The following HLA-DRB5 variants were observed in gnomAD, a reference collection of about 807,000 sequenced individuals.
The protein encoded by HLA-DRB5 is major histocompatibility complex, class II, DR beta 5, also known as DR beta-5.
In HLA-DRB5, 11 loss-of-function variants were observed where a neutral mutation model predicts 22.4. That is an observed-to-expected ratio of 0.49 (90% CI 0.31 to 0.81). The LOEUF is 0.81. Ranked by LOEUF, HLA-DRB5 falls within the 40% of genes least tolerant of loss-of-function variation. The probability of loss-of-function intolerance (pLI) is 0.05; values close to 1 mark genes in which losing one functional copy is unlikely to be tolerated. For synonymous variants in HLA-DRB5, 57 were observed against 106.0 expected, an observed-to-expected ratio of 0.54 and a Z score of 2.84; for missense variants, 106 against 274.4, an observed-to-expected ratio of 0.39 and a Z score of 4.34.
At chr6:32,519,107 A>G (rs116011937) in intron 3 of HLA-DRB5, among the ~76,000 whole-genome samples, 23,337 of 82,270 alleles carry the variant, frequency 0.28, 1,812 homozygotes, top group Middle Eastern at 0.38. Flanking sequence ...GCCCTGGGAG[A>G]GGGGGTGACC....
chr6:32,525,059 T>C (rs191022689), intron 1 of HLA-DRB5, among the ~76,000 whole-genome samples: 6,113 of 40,218 alleles, frequency 0.15, 2,174 homozygotes, highest in African/African-American at 0.18. Context: ...TTTTATACAT[T>C]GGAACTAGAA....
In HLA-DRB5 at chr6:32,520,147, G is replaced by C. The variant is rs576159554; in HGVS notation, c.371-496C>G. On this transcript the variant is annotated intron_variant, in intron 2 of 5. Coordinates refer to ENST00000374975, the MANE Select transcript of HLA-DRB5 (RefSeq NM_002125.4). ...CTGAAGATAGCCTTTAATTTATGAG[G>C]TCATAAAGCTTCTCACTCCATTCCA... is the stretch of plus-strand genomic sequence containing the variant. Among the ~76,000 whole-genome samples the C allele has an allele frequency of 5.2e-5, 3 of 57,646 alleles. 1 individual carries two copies. The highest frequency in any genetic ancestry group is 2.0e-4 in the African/African-American group (3 of 15,262). The allele number at this position is 57,646 out of a possible 152,430, so 37.8% of individuals were successfully genotyped here.
At chr6:32,520,822 TCAAC>T (rs1219536856) in intron 2 of HLA-DRB5, among the ~76,000 whole-genome samples, 4,229 of 41,702 alleles carry the variant, frequency 0.1, 7 homozygotes, top group Non-Finnish European at 0.12. Flanking sequence ...ATTTTCAAAA[TCAAC>T]ATACAAATCA....
Position 32,527,944 on chromosome 6 carries a change from A to G in HLA-DRB5, c.100+2181T>C, listed in dbSNP as rs1373534240. The stretch of plus-strand genomic sequence containing the variant: ...ATAAAATTCAAGTTTCTTACCATGG[A>G]CATCAGAGCCTGATATGAGGCTCCC... On this transcript the variant is annotated intron_variant, in intron 1 of 5. Coordinates refer to ENST00000374975, the MANE Select transcript of HLA-DRB5 (RefSeq NM_002125.4). Among the ~76,000 whole-genome samples the G allele has an allele frequency of 5.4e-5, 2 of 37,052 alleles. 1 individual carries two copies. Among genetic ancestry groups the G allele is most frequent in the South Asian group, 1.2e-3 (2 of 1,632 alleles). 24.3% of individuals were successfully genotyped at this position (37,052 alleles called of 152,430 possible). A position where few individuals can be genotyped will look rare whatever the true frequency, so the allele number is the denominator to read the frequency against.
At chr6:32,525,983 A>C (rs1326553155) in intron 1 of HLA-DRB5, among the ~76,000 whole-genome samples, 1 of 54,292 alleles carries the variant, frequency 1.8e-5, no homozygotes, top group Non-Finnish European at 3.8e-5. Context: ...CTTGATAATA[A>C]TGACCGAGCA....
At chr6:32,521,570 G>A (rs561446219) in intron 2 of HLA-DRB5, among the ~76,000 whole-genome samples, 33,289 of 66,274 alleles carry the variant, frequency 0.5, 5,727 homozygotes, top group Middle Eastern at 0.57. Context: ...CTAAGGACAC[G>A]AGACAACCAA....
At chr6:32,528,932 G>A (rs113125369) in intron 1 of HLA-DRB5, among the ~76,000 whole-genome samples, 9,815 of 103,048 alleles carry the variant, frequency 0.095, 786 homozygotes, top group Admixed American at 0.14. Flanking sequence ...GACAGAGCCA[G>A]GCCCTATCTC....
At chr6:32,520,136 T>C (rs200439840) in intron 2 of HLA-DRB5, among the ~76,000 whole-genome samples, 7,217 of 32,642 alleles carry the variant, frequency 0.22, 2,656 homozygotes, top group East Asian at 0.28. Flanking sequence ...AGATAGCCTT[T>C]AATTTATGAG....
rs752984681 is a variant in HLA-DRB5 at position 32,520,939 on chromosome 6, A to ATT, written c.370+965_370+966insAA. Among the ~76,000 whole-genome samples the ATT allele has an allele frequency of 4.5e-3, 289 of 63,934 alleles. 32 individuals carry two copies. In the Middle Eastern group the frequency reaches 0.073, roughly 16 times the overall value. 41.9% of individuals were successfully genotyped at this position (63,934 alleles called of 152,430 possible). ...GAGAAAAATACTAAGCCCTGGAGAT[A>ATT]ACAGAAAATAGATCATTGTCCATTA... On this transcript the variant is annotated intron_variant, in intron 2 of 5. Transcript: ENST00000374975.
In HLA-DRB5 at chr6:32,521,939, G is replaced by T. The variant is rs777413325; in HGVS notation, c.336C>A (p.Tyr112Ter). 1 of 1,535,968 alleles carries T rather than the reference G, an allele frequency of 6.5e-7. No homozygotes were observed. The highest frequency in any genetic ancestry group is 1.8e-5 in the Admixed American group (1 of 55,372). ...GCACTGTGAAGCTCTCACCAACCCC[G>T]TAGTTGTGTCTGCAGTAGGTGTCCA... ...AAVDTYCRHN[Y>*]GVGESFTVQR... Residue 112 changes from tyrosine to a stop codon, truncating the protein, a stop_gained, in exon 2 of 6, where the codon TAC (tyrosine) becomes TAA (stop). Transcript: ENST00000374975. LOFTEE classifies it high-confidence loss of function.
At chr6:32,519,008 C>A in intron 3 of HLA-DRB5, among the ~76,000 whole-genome samples, 1 of 113,574 alleles carries the variant, frequency 8.8e-6, no homozygotes. Context: ...CAGGAAGGCC[C>A]CTACACTTCT....
At chr6:32,528,113 G>A (rs184297370) in intron 1 of HLA-DRB5, among the ~76,000 whole-genome samples, 1,420 of 66,222 alleles carry the variant, frequency 0.021, no homozygotes, top group East Asian at 0.031. Flanking sequence ...TGGAACTTTC[G>A]TCCCTTAGAT....
chr6:32,523,815 T>C (rs77226719), intron 1 of HLA-DRB5, among the ~76,000 whole-genome samples: 4 of 111,430 alleles, frequency 3.6e-5, no homozygotes, highest in Admixed American at 1.0e-4. Flanking sequence ...AAGATGTGAG[T>C]CTAGAATTTT....
At chr6:32,520,758 A>ATAAATTTCGCAATATATTTGATT (rs1562429416) in intron 2 of HLA-DRB5, among the ~76,000 whole-genome samples, 7 of 49,130 alleles carry the variant, frequency 1.4e-4, no homozygotes, top group African/African-American at 3.0e-4. Context: ...AACCATTAAT[A>ATAAATTTCGCAATATATTTGATT]AAAGTTTTGG....
intron 2 of HLA-DRB5, among the ~76,000 whole-genome samples, 165 bp from the exon 3 acceptor site, chr6:32,519,816 T>G (rs142795234): frequency 0.19 from 11,839 of 62,928 alleles, 1,919 homozygotes; most frequent in Middle Eastern, 0.38. Flanking sequence ...ATTTAGTCTT[T>G]ATAGTGGGGG....
At position 32,522,092 on chromosome 6, in the gene HLA-DRB5, A is replaced by ATGGAAG; in HGVS notation, c.182_183insCTTCCA (p.Tyr61_Asn62insPheHis). 5 of 1,258,384 alleles carry ATGGAAG rather than the reference A, an allele frequency of 4.0e-6. No individual in the cohort carries two copies. Among genetic ancestry groups the ATGGAAG allele is most frequent in the East Asian group, 2.5e-5 (1 of 40,346 alleles). The allele number at this position is 1,258,384 out of a possible 1,614,324, so 78.0% of individuals were successfully genotyped here. The stretch of plus-strand genomic sequence containing the variant: ...CGAAGCGCAAGTCCTCCTCTTGGTT[A>ATGGAAG]TAGATGTCTCTGTGCAGGAACCGCA... On this transcript the variant is annotated inframe_insertion, in exon 2 of 6. Coordinates refer to ENST00000374975, the MANE Select transcript of HLA-DRB5 (RefSeq NM_002125.4).
At chr6:32,528,321 A>T in intron 1 of HLA-DRB5, among the ~76,000 whole-genome samples, 1 of 23,930 alleles carries the variant, frequency 4.2e-5, no homozygotes, top group Non-Finnish European at 8.6e-5. Context: ...TGTCTCCTCC[A>T]CTCTTGTGTA....
At chr6:32,527,138 AAT>A (rs1351910128) in intron 1 of HLA-DRB5, among the ~76,000 whole-genome samples, 3,854 of 90,688 alleles carry the variant, frequency 0.042, 30 homozygotes, top group East Asian at 0.062. Context: ...TGTGCTCCTA[AAT>A]AGTCTTCCTA....
rs1136760 is a variant in HLA-DRB5, at chr6:32,522,150, T to C, written c.125A>G (p.Tyr42Cys). ...TRPRFLQQDK[Y>C]ECHFFNGTER... ...CGTCCCGTTGAAGAAATGACACTCA[T>C]ACTTATCCTGCTGCAAGAAACGTGC... Residue 42 changes from tyrosine to cysteine, a missense_variant, in exon 2 of 6, where the codon TAT (tyrosine) becomes TGT (cysteine). Coordinates refer to ENST00000374975, the MANE Select transcript of HLA-DRB5 (RefSeq NM_002125.4). 0.021 allele frequency: 16,957 copies of C among 807,306 alleles called. 248 individuals carry two copies. Among genetic ancestry groups the C allele is most frequent in the Admixed American group, 0.041 (1,452 of 35,614 alleles). 50.0% of individuals were successfully genotyped at this position (807,306 alleles called of 1,614,324 possible). A position where few individuals can be genotyped will look rare whatever the true frequency, so the allele number is the denominator to read the frequency against.
Sources: allele counts gnomAD v4.1 joint callset (sites outside exome capture counted in the v4.1 genomes callset), GRCh38; gene constraint gnomAD v4.1.1; transcripts MANE v1.5; gene names NCBI Gene and HGNC (gene_info 2026-07-23, HGNC 2026-07-21).